Variants in UPK1B observed in about 807,000 individuals in gnomAD.
UPK1B encodes the protein uroplakin-1b.
Under a neutral mutation model 34.2 loss-of-function variants are expected in UPK1B, and 28 were observed. That is an observed-to-expected ratio of 0.82 (90% CI 0.61 to 1.12). The LOEUF is 1.12. Ranked by LOEUF, UPK1B falls within the 50% of genes most tolerant of loss-of-function variation. The pLI is 0.00. For missense variants in UPK1B, 325 were observed against 320.9 expected, an observed-to-expected ratio of 1.01 and a Z score of -0.10; for synonymous variants, 81 against 110.4, an observed-to-expected ratio of 0.73 and a Z score of 1.67.
intron 7 of UPK1B, among the ~76,000 whole-genome samples, chr3:119,199,515 C>T (rs1319623153): frequency 1.3e-5 from 2 of 152,334 alleles, no homozygotes; most frequent in Admixed American, 6.5e-5. Context: ...TAGATGGCCC[C>T]TGCCTGATAC....
At chr3:119,200,938 C>G (rs1177104774) in intron 7 of UPK1B, among the ~76,000 whole-genome samples, 1 of 152,166 alleles carries the variant, frequency 6.6e-6, no homozygotes, top group Non-Finnish European at 1.5e-5. Flanking sequence ...TCCTTTCTGT[C>G]ATGCAGAATA....
Position 119,187,764 on chromosome 3 carries a change from T to C in UPK1B, c.70-11T>C. ...CACTCCTGATGGAGCCCACCTTTCA[T>C]TTGCCCCCAGTGTTGCGGCATTGCC... is the stretch of plus-strand genomic sequence containing the variant. On this transcript the variant is annotated splice_polypyrimidine_tract_variant and intron_variant, in intron 2 of 7. Transcript: ENST00000264234. 1 of 1,591,886 alleles carries C rather than the reference T, an allele frequency of 6.3e-7. No individual in the cohort carries two copies.
intron 3 of UPK1B, among the ~76,000 whole-genome samples, chr3:119,188,822 C>T (rs1369651370): frequency 6.6e-6 from 1 of 152,224 alleles, no homozygotes; most frequent in African/African-American, 2.4e-5. Context: ...GCTGCAGGAC[C>T]TCAGTTCCCC....
chr3:119,186,489 C>CT (rs1272721111), intron 1 of UPK1B, among the ~76,000 whole-genome samples: 1 of 152,230 alleles, frequency 6.6e-6, no homozygotes, highest in African/African-American at 2.4e-5. Context: ...CACTCCTTGC[C>CT]TGAAAGAACT....
intron 1 of UPK1B, among the ~76,000 whole-genome samples, chr3:119,179,321 TGA>T (rs535882241): frequency 1.8e-5 from 2 of 108,712 alleles, no homozygotes; most frequent in Admixed American, 1.0e-4. Context: ...AAGACCCTGT[TGA>T]GAGAGAGAGA....
At chr3:119,201,121 TCTTGCTAATA>T (rs2078088683) in intron 7 of UPK1B, among the ~76,000 whole-genome samples, 1 of 152,190 alleles carries the variant, frequency 6.6e-6, no homozygotes, top group Admixed American at 6.5e-5. Flanking sequence ...CTGCCTTGAT[TCTTGCTAATA>T]CTCCAGGAGT....
At chr3:119,188,107 C>A in intron 3 of UPK1B, 132 bp downstream of exon 3, 1 of 952,202 alleles carries the variant, frequency 1.1e-6, no homozygotes, top group Non-Finnish European at 1.6e-6. Context: ...GAGGGGAAGA[C>A]TTTCCCTGCA....
intron 3 of UPK1B, among the ~76,000 whole-genome samples, chr3:119,188,757 T>C (rs1287639239): frequency 6.6e-6 from 1 of 152,204 alleles, no homozygotes; most frequent in East Asian, 1.9e-4. Flanking sequence ...AGTTTCACAC[T>C]ATTATGGAAC....
At chr3:119,186,580 A>G in intron 1 of UPK1B, 134 bp from the exon 2 acceptor site, 1 of 639,564 alleles carries the variant, frequency 1.6e-6, no homozygotes, top group South Asian at 2.1e-5. Flanking sequence ...AAGCTCAATA[A>G]TCAAATGTCC....
chr3:119,203,357 A>AAC, intron 7 of UPK1B, among the ~76,000 whole-genome samples: 2 of 151,028 alleles, frequency 1.3e-5, no homozygotes, highest in South Asian at 2.1e-4. Context: ...AAAAAAAAAA[A>AAC]AAAAAAAAAA....
rs546231019 is a variant in UPK1B, at chr3:119,187,910, C to G, written c.205C>G (p.Leu69Val). The G allele has an allele frequency of 3.4e-5, 55 of 1,613,978 alleles. No individual in the cohort carries two copies. In the Admixed American group the frequency reaches 9.2e-4, roughly 27 times the overall value. ...AWIGIFVGIC[L>V]FCLSVLGIVG... The stretch of plus-strand genomic sequence containing the variant: ...GATCGGCATATTTGTGGGCATCTGC[C>G]TCTTCTGCCTGTCTGTTCTAGGCAT... The change falls in exon 3 of 8, where the codon CTC (leucine) becomes GTC (valine). Residue 69 changes from leucine (L) to valine (V), a missense_variant. By Grantham distance (32) the Leu-to-Val change is conservative (BLOSUM62 1). Coordinates refer to ENST00000264234, the MANE Select transcript of UPK1B (RefSeq NM_006952.4).
At position 119,204,107 on chromosome 3, in the gene UPK1B, C is replaced by A; in HGVS notation, c.*140C>A. On this transcript the variant is annotated 3_prime_UTR_variant, in exon 8 of 8. Transcript: ENST00000264234. ...TTGCCAAGTCAGATGGTACGGACTT[C>A]CTTTAGGATCTCAGGCTTCTGCAGT... is the stretch of plus-strand genomic sequence containing the variant. 1.1e-6 allele frequency: 1 copy of A among 896,344 alleles called. No homozygotes were observed. Among genetic ancestry groups the A allele is most frequent in the Non-Finnish European group, 1.7e-6 (1 of 577,706 alleles). The allele number at this position is 896,344 out of a possible 1,614,324, so 55.5% of individuals were successfully genotyped here.
chr3:119,199,669 T>C (rs2078082831), intron 7 of UPK1B, among the ~76,000 whole-genome samples: 1 of 152,202 alleles, frequency 6.6e-6, no homozygotes, highest in Admixed American at 6.5e-5. Flanking sequence ...GGGGAAACTT[T>C]TTTTAAAAAT....
At chr3:119,181,646 A>G (rs967600992) in intron 1 of UPK1B, among the ~76,000 whole-genome samples, 17 of 152,228 alleles carry the variant, frequency 1.1e-4, no homozygotes, top group Admixed American at 2.0e-4. Context: ...CTCTTCAACA[A>G]AGTTCTAGGC....
In UPK1B at chr3:119,190,292, T is replaced by C; in HGVS notation, c.318T>C (p.Cys106=). Residue 106 remains cysteine (C), a synonymous_variant, in exon 4 of 8, where the codon TGT becomes TGC. Transcript: ENST00000264234. The part of the protein sequence containing the change: ...FIVYAFEVAS[C]ITAATQQDFF... ...TATATGCCTTTGAAGTGGCATCTTG[T>C]ATCACAGCAGCAACACAACAAGACT... The C allele has an allele frequency of 6.2e-7, 1 of 1,612,654 alleles. No homozygotes were observed. The highest frequency in any genetic ancestry group is 1.1e-5 in the South Asian group (1 of 90,854).
At chr3:119,174,804 G>T (rs761058506) in intron 1 of UPK1B, among the ~76,000 whole-genome samples, 3 of 151,606 alleles carry the variant, frequency 2.0e-5, no homozygotes, top group Non-Finnish European at 1.5e-5. Flanking sequence ...AACCTTCTCA[G>T]TGAGGAGAAA....
chr3:119,175,047 T>TTTTTTTTTTTTTTTTTTTTC (rs2077948957), intron 1 of UPK1B, among the ~76,000 whole-genome samples: 1 of 78,556 alleles, frequency 1.3e-5, no homozygotes, highest in African/African-American at 4.8e-5. Context: ...TTTTTTTTTT[T>TTTTTTTTTTTTTTTTTTTTC]GAGACGGAGT....
At position 119,187,772 on chromosome 3, in the gene UPK1B, C is replaced by A; in HGVS notation, c.70-3C>A. On this transcript the variant is annotated splice_polypyrimidine_tract_variant and splice_region_variant and intron_variant, in intron 2 of 7. Coordinates refer to ENST00000264234, the MANE Select transcript of UPK1B (RefSeq NM_006952.4). ...ATGGAGCCCACCTTTCATTTGCCCCCAGTGTTGCGGCATTGCCCTGACTGC... is the reference window on the plus strand; with the variant it reads ...ATGGAGCCCACCTTTCATTTGCCCCAAGTGTTGCGGCATTGCCCTGACTGC... 1 of 1,613,754 alleles carries A rather than the reference C, an allele frequency of 6.2e-7. No individual in the cohort carries two copies.
intron 3 of UPK1B, among the ~76,000 whole-genome samples, chr3:119,189,704 T>G (rs2078035647): frequency 6.6e-6 from 1 of 152,256 alleles, no homozygotes; most frequent in Non-Finnish European, 1.5e-5. Flanking sequence ...TGAGACTGGA[T>G]GCTTGTTAGG....
Sources: allele counts gnomAD v4.1 joint callset (sites outside exome capture counted in the v4.1 genomes callset), GRCh38; gene constraint gnomAD v4.1.1; transcripts MANE v1.5; gene names NCBI Gene and HGNC (gene_info 2026-07-23, HGNC 2026-07-21).